Variants in SPAG6 observed in about 807,000 individuals in gnomAD.
The protein encoded by SPAG6 is sperm-associated antigen 6.
Under a neutral mutation model 58.5 loss-of-function variants are expected in SPAG6, and 49 were observed. That is an observed-to-expected ratio of 0.84 (90% CI 0.67 to 1.06). The LOEUF (loss-of-function observed/expected upper bound fraction) is 1.06. SPAG6 is among the 50% of genes least tolerant of loss of function. SPAG6 has a pLI of 0.00. For missense variants in SPAG6, 560 were observed against 611.3 expected (o/e 0.92, Z 0.89); for synonymous variants, 233 against 225.6 (o/e 1.03, Z -0.29).
intron 2 of SPAG6, among the ~76,000 whole-genome samples, chr10:22,354,101 G>A (rs1425920477): frequency 6.6e-6 from 1 of 152,234 alleles, no homozygotes; most frequent in Non-Finnish European, 1.5e-5. Context: ...AGCCATTGAA[G>A]TGTTTTAATT....
intron 9 of SPAG6, among the ~76,000 whole-genome samples, chr10:22,402,601 A>T (rs895073940): frequency 1.3e-5 from 2 of 152,216 alleles, no homozygotes; most frequent in Non-Finnish European, 2.9e-5. Context: ...GGCAGGATAC[A>T]GTTCTGTGTA....
In SPAG6 at chr10:22,345,506, C is replaced by T; in HGVS notation, c.-106C>T. 2 of 957,268 alleles carry T rather than the reference C, an allele frequency of 2.1e-6. No homozygotes were observed. Among genetic ancestry groups the T allele is most frequent in the African/African-American group, 1.7e-5 (1 of 59,294 alleles). 59.3% of individuals were successfully genotyped at this position (957,268 alleles called of 1,614,324 possible). ...GAGACGCGGGTACACAGAGAAGCGG[C>T]TCCCGTCGGAGGCCGAGTCGTCGCC... On this transcript the variant is annotated 5_prime_UTR_variant, in exon 1 of 11. Transcript: ENST00000376624. This position sits in a 1 kb window ranked among gnomAD's most constrained non-coding sequence, Gnocchi z 6.3.
At chr10:22,375,256 A>C (rs1327472377) in intron 4 of SPAG6, among the ~76,000 whole-genome samples, 1 of 152,238 alleles carries the variant, frequency 6.6e-6, no homozygotes, top group Non-Finnish European at 1.5e-5. Flanking sequence ...ATTTCTAGAA[A>C]TACATGAAGC....
In SPAG6 at chr10:22,348,587, A is replaced by G. The variant is rs139398207; in HGVS notation, c.121+2769A>G. ...AAAAAATATTTTCCATATGGGTATC[A>G]TGATCAAACCAGTAATTCCCTTGTT... On this transcript the variant is annotated intron_variant, in intron 2 of 10. Coordinates refer to ENST00000376624, the MANE Select transcript of SPAG6 (RefSeq NM_012443.4). Among the ~76,000 whole-genome samples, 793 of 152,360 alleles carry G rather than the reference A, an allele frequency of 5.2e-3. 4 individuals carry two copies. Among genetic ancestry groups the G allele is most frequent in the South Asian group, 0.018 (88 of 4,832 alleles).
At chr10:22,415,571 A>G (rs762737408) in intron 10 of SPAG6, among the ~76,000 whole-genome samples, 5 of 152,168 alleles carry the variant, frequency 3.3e-5, no homozygotes, top group African/African-American at 7.2e-5. Context: ...CTGTTTAACT[A>G]TGGATGCCTG....
chr10:22,387,888 T>C lies in SPAG6; in HGVS notation c.744T>C (p.Val248=). Residue 248 remains valine, a synonymous_variant, in exon 6 of 11, where the codon GTT becomes GTC. Coordinates refer to ENST00000376624, the MANE Select transcript of SPAG6 (RefSeq NM_012443.4). The part of the protein sequence containing the change: ...KHSVDLAEMV[V]EAEIFPVVLT... ...CCGTGGATCTGGCAGAAATGGTTGT[T>C]GAAGCAGAGATTTTTCCAGTTGTAC... is the stretch of plus-strand genomic sequence containing the variant. 2 of 1,613,686 alleles carry C rather than the reference T, an allele frequency of 1.2e-6. No individual in the cohort carries two copies. The highest frequency in any genetic ancestry group is 1.7e-6 in the Non-Finnish European group (2 of 1,179,780).
intron 4 of SPAG6, among the ~76,000 whole-genome samples, chr10:22,381,965 A>C (rs1833967487): frequency 1.3e-5 from 2 of 152,208 alleles, no homozygotes; most frequent in African/African-American, 4.8e-5. Context: ...CTGACAGATC[A>C]CTGCAAGCTT....
chr10:22,362,067 G>A (rs10437408), intron 2 of SPAG6, among the ~76,000 whole-genome samples: 25,529 of 141,742 alleles, frequency 0.18, 6,714 homozygotes, highest in African/African-American at 0.58. Context: ...TTCTATATAA[G>A]TATATATAAA....
chr10:22,409,593 T>G (rs1834674537), intron 9 of SPAG6, among the ~76,000 whole-genome samples: 1 of 152,186 alleles, frequency 6.6e-6, no homozygotes, highest in African/African-American at 2.4e-5. Context: ...TGAGTGAATA[T>G]AGTCTGAAGT....
At chr10:22,403,433 T>C (rs1031939428) in intron 9 of SPAG6, among the ~76,000 whole-genome samples, 1 of 152,240 alleles carries the variant, frequency 6.6e-6, no homozygotes, top group African/African-American at 2.4e-5. Context: ...TGATTTCCAG[T>C]TTCATCCATG....
chr10:22,387,239 G>A (rs1390459830), intron 5 of SPAG6, among the ~76,000 whole-genome samples: 1 of 152,100 alleles, frequency 6.6e-6, no homozygotes, highest in Non-Finnish European at 1.5e-5. Flanking sequence ...TCCTGGTTTG[G>A]AAAAGACCTA....
intron 9 of SPAG6, among the ~76,000 whole-genome samples, chr10:22,410,085 A>T (rs1248650036): frequency 6.6e-6 from 1 of 152,142 alleles, no homozygotes; most frequent in Non-Finnish European, 1.5e-5. Flanking sequence ...TGTCAGATCC[A>T]GTGACTTGTT....
At chr10:22,382,867 A>C (rs1378540588) in intron 4 of SPAG6, among the ~76,000 whole-genome samples, 18 of 152,220 alleles carry the variant, frequency 1.2e-4, no homozygotes, top group Admixed American at 1.2e-3. Context: ...TATTGAAGAA[A>C]ATTTGGCAAA....
chr10:22,377,752 AT>A (rs1833851758), intron 4 of SPAG6, among the ~76,000 whole-genome samples: 1 of 152,128 alleles, frequency 6.6e-6, no homozygotes, highest in Non-Finnish European at 1.5e-5. Flanking sequence ...CCAATGTTTT[AT>A]TTTTATTTCC....
Position 22,364,950 on chromosome 10 carries a change from T to A in SPAG6, c.219T>A (p.Asp73Glu), listed in dbSNP as rs1437342020. Residue 73 changes from aspartate to glutamate, a missense_variant, in exon 3 of 11, where the codon GAT becomes GAA. Physicochemically the swap from Asp to Glu is conservative, Grantham distance 45 (BLOSUM62 2). Transcript: ENST00000376624. ...LALGRLANYN[D>E]DLAEAVVKCD... ...TTGGGAGACTGGCCAATTATAATGA[T>A]GACCTAGCAGAAGCTGTTGTGAAGT... 3.7e-6 allele frequency: 6 copies of A among 1,613,384 alleles called. No homozygotes were observed. The highest frequency in any genetic ancestry group is 3.3e-5 in the Admixed American group (2 of 59,874).
chr10:22,409,034 C>T (rs1834646348), intron 9 of SPAG6, among the ~76,000 whole-genome samples: 1 of 152,202 alleles, frequency 6.6e-6, no homozygotes, highest in Non-Finnish European at 1.5e-5. Context: ...CTGGCACTCC[C>T]TAGTGAGATG....
chr10:22,413,205 C>T (rs766269714), intron 10 of SPAG6: 22 of 150,132 alleles, frequency 1.5e-4, no homozygotes, highest in Admixed American at 4.6e-4. Flanking sequence ...TAATTGAGCA[C>T]CAGGAAAAAC....
At chr10:22,346,154 G>A in intron 2 of SPAG6, 1 of 1,288,440 alleles carries the variant, frequency 7.8e-7, no homozygotes, top group Admixed American at 3.0e-5. Context: ...CATTTTGCAT[G>A]CCACCCTGCC....
intron 8 of SPAG6, among the ~76,000 whole-genome samples, chr10:22,398,666 C>A (rs974738227): frequency 6.6e-6 from 1 of 152,092 alleles, no homozygotes; most frequent in Non-Finnish European, 1.5e-5. Flanking sequence ...GAATTTGAGG[C>A]TGCAGTGAGC....
Sources: allele counts gnomAD v4.1 joint callset (sites outside exome capture counted in the v4.1 genomes callset), GRCh38; gene constraint gnomAD v4.1.1; non-coding constraint Gnocchi (gnomAD v3.1); transcripts MANE v1.5; gene names NCBI Gene and HGNC (gene_info 2026-07-23, HGNC 2026-07-21).